AGBL1: variants seen among roughly 807,000 people sequenced by gnomAD.
AGBL1 encodes the protein AGBL carboxypeptidase 1.
Under a neutral mutation model 118.9 loss-of-function variants are expected in AGBL1, and 130 were observed. The ratio of observed to expected loss-of-function variants is 1.09; its 90% CI spans 0.95 to 1.26. The LOEUF (loss-of-function observed/expected upper bound fraction) is 1.26. Among genes scored for constraint, AGBL1 ranks in the 50% most tolerant of loss-of-function variants. The pLI is 0.00. For missense variants in AGBL1, 1,584 were observed against 1,298.1 expected (o/e 1.22, Z -3.38); for synonymous variants, 555 against 478.9 (o/e 1.16, Z -2.08).
intron 16 of AGBL1, among the ~76,000 whole-genome samples, chr15:86,294,110 A>G (rs750708680): frequency 9.2e-5 from 14 of 151,966 alleles, no homozygotes; most frequent in Admixed American, 5.2e-4. Context: ...AAGATTGTTA[A>G]CCAGGGGCGG....
chr15:86,288,643 A>C, intron 16 of AGBL1, among the ~76,000 whole-genome samples: 1 of 152,240 alleles, frequency 6.6e-6, no homozygotes, highest in East Asian at 1.9e-4. Flanking sequence ...TGTATGATCA[A>C]TTATTGCTAC....
intron 3 of AGBL1, among the ~76,000 whole-genome samples, chr15:86,147,417 C>T (rs188788331): frequency 2.6e-5 from 4 of 152,230 alleles, no homozygotes; most frequent in Non-Finnish European, 5.9e-5. Context: ...TTAAATACTG[C>T]ACTTTTCCCA....
chr15:86,680,560 C>CTT (rs2085934220), intron 22 of AGBL1, among the ~76,000 whole-genome samples: 1 of 102,506 alleles, frequency 9.8e-6, no homozygotes, highest in Non-Finnish European at 2.1e-5. Flanking sequence ...TTCTTTCTTT[C>CTT]TTTTCTTTTT....
At chr15:86,784,613 G>T (rs1480041408) in intron 22 of AGBL1, among the ~76,000 whole-genome samples, 6 of 152,110 alleles carry the variant, frequency 3.9e-5, no homozygotes, top group South Asian at 2.1e-4. Flanking sequence ...GATTCAGGCT[G>T]ACCCTATTGC....
chr15:86,405,201 A>G (rs1293842850), intron 18 of AGBL1, among the ~76,000 whole-genome samples: 1 of 152,212 alleles, frequency 6.6e-6, no homozygotes, highest in Non-Finnish European at 1.5e-5. Flanking sequence ...CAGCTATGCT[A>G]CTGGGCTTTA....
chr15:86,792,066 C>T (rs566854436), intron 22 of AGBL1, among the ~76,000 whole-genome samples: 6 of 152,210 alleles, frequency 3.9e-5, no homozygotes, highest in African/African-American at 1.4e-4. Context: ...CAATTCCTTG[C>T]CTCAACATAT....
chr15:86,452,100 A>G (rs1004869629), intron 18 of AGBL1, among the ~76,000 whole-genome samples: 2 of 152,048 alleles, frequency 1.3e-5, no homozygotes, highest in African/African-American at 4.8e-5. Context: ...CATTATGTAG[A>G]CTCATTAGAA....
chr15:86,886,404 G>C (rs967837142), intron 22 of AGBL1, among the ~76,000 whole-genome samples: 6 of 152,312 alleles, frequency 3.9e-5, no homozygotes, highest in African/African-American at 1.4e-4. Flanking sequence ...TTCCATTTCT[G>C]TGTATGGTGT....
intron 22 of AGBL1, among the ~76,000 whole-genome samples, chr15:86,852,035 T>G (rs921087725): frequency 2.0e-5 from 3 of 152,178 alleles, no homozygotes; most frequent in Non-Finnish European, 4.4e-5. Flanking sequence ...CACTGTTGGA[T>G]GGATGAATGG....
chr15:86,558,908 A>T (rs2083774871), intron 21 of AGBL1, among the ~76,000 whole-genome samples: 1 of 152,220 alleles, frequency 6.6e-6, no homozygotes, highest in Admixed American at 6.5e-5. Flanking sequence ...TGGATGGCTT[A>T]AAACAACATA....
rs144391863 is a variant in AGBL1, at chr15:86,476,267, T to C, written c.2556-46543T>C. ...AATGTAAATGGGCTAAATGCTCCAA[T>C]TAAAAGACACAGACTGGCAAATTGG... On this transcript the variant is annotated intron_variant, in intron 18 of 22. Transcript: ENST00000614907. Among the ~76,000 whole-genome samples the C allele has an allele frequency of 2.5e-3, 379 of 152,266 alleles. 4 individuals carry two copies. Among genetic ancestry groups the C allele is most frequent in the African/African-American group, 8.7e-3 (362 of 41,558 alleles).
chr15:86,540,787 T>C (rs1367867369), intron 19 of AGBL1, among the ~76,000 whole-genome samples: 1 of 152,198 alleles, frequency 6.6e-6, no homozygotes, highest in Non-Finnish European at 1.5e-5. Context: ...TTCTTAGAAT[T>C]AACAGGCATT....
intron 18 of AGBL1, among the ~76,000 whole-genome samples, chr15:86,473,318 G>T (rs2082506382): frequency 6.6e-6 from 1 of 152,134 alleles, no homozygotes; most frequent in African/African-American, 2.4e-5. Flanking sequence ...TATTCAAGGA[G>T]ATAATGCAGG....
intron 22 of AGBL1, among the ~76,000 whole-genome samples, chr15:86,843,955 T>C (rs2079283627): frequency 6.6e-6 from 1 of 152,180 alleles, no homozygotes. Flanking sequence ...AGATTTTCTT[T>C]TCTGGAAGTT....
chr15:86,200,039 A>G (rs1444757047), intron 5 of AGBL1, among the ~76,000 whole-genome samples: 3 of 152,162 alleles, frequency 2.0e-5, no homozygotes, highest in African/African-American at 4.8e-5. Flanking sequence ...CAACATAAAG[A>G]TTATTCTGAA....
rs2080311978 is a variant in AGBL1, at chr15:86,908,670, G to A, written c.*1376G>A. On this transcript the variant is annotated 3_prime_UTR_variant, in exon 23 of 23. Coordinates refer to ENST00000614907, the MANE Select transcript of AGBL1 (RefSeq NM_001386094.1). ...TTAAAACAGGTGAAAATGGAGCAAG[G>A]CCTTTTAGCATTCGGAAGGAAGAGG... 1 of 152,172 alleles carries A rather than the reference G, an allele frequency of 6.6e-6. No homozygotes were observed. The highest frequency in any genetic ancestry group is 2.1e-4 in the South Asian group (1 of 4,826). The allele number at this position is 152,172 out of a possible 1,614,324, so 9.4% of individuals were successfully genotyped here.
intron 21 of AGBL1, among the ~76,000 whole-genome samples, chr15:86,668,123 G>C (rs567107197): frequency 6.6e-6 from 1 of 152,242 alleles, no homozygotes; most frequent in African/African-American, 2.4e-5. Flanking sequence ...AGGGCACCAA[G>C]CCATCCATAA....
intron 11 of AGBL1, among the ~76,000 whole-genome samples, chr15:86,265,725 C>CAT (rs1315941559): frequency 1.3e-5 from 2 of 152,202 alleles, no homozygotes; most frequent in African/African-American, 4.8e-5. Flanking sequence ...GTTATCCCTG[C>CAT]ATAGGACATC....
intron 18 of AGBL1, among the ~76,000 whole-genome samples, chr15:86,440,555 T>C (rs1021359619): frequency 6.6e-6 from 1 of 151,944 alleles, no homozygotes; most frequent in African/African-American, 2.4e-5. Context: ...GCAATGTGCC[T>C]ACCATTTCAT....
Sources: gnomAD v4.1 joint callset for allele counts (sites outside exome capture counted in the v4.1 genomes callset) on GRCh38, gnomAD v4.1.1 for gene constraint, MANE v1.5 for transcripts, NCBI Gene and HGNC (gene_info 2026-07-23, HGNC 2026-07-21) for gene names.